The following RECK variants were observed in gnomAD, a reference collection of about 807,000 sequenced individuals.
RECK encodes the protein reversion inducing cysteine rich protein with kazal motifs.
RECK carries 69 observed loss-of-function variants against 115.1 expected under a neutral mutation model. The ratio of observed to expected loss-of-function variants is 0.60; its 90% CI spans 0.49 to 0.73. RECK has a LOEUF of 0.73. Ranked by LOEUF, RECK falls within the 30% of genes least tolerant of loss-of-function variation. The pLI, the probability that RECK is intolerant of heterozygous loss-of-function variation, is 0.00. For missense variants in RECK, 1,047 were observed against 1,203.7 expected (o/e 0.87, Z 1.93); for synonymous variants, 414 against 419.7 (o/e 0.99, Z 0.17).
chr9:36,052,346 G>C, intron 2 of RECK, 23 bp downstream of exon 2: 1 of 1,565,342 alleles, frequency 6.4e-7, no homozygotes, highest in South Asian at 1.1e-5. Flanking sequence ...AATAATTACA[G>C]AGGCAGCCAG....
chr9:36,107,770 C>T (rs1006420454), intron 13 of RECK, among the ~76,000 whole-genome samples: 14 of 152,136 alleles, frequency 9.2e-5, no homozygotes, highest in Non-Finnish European at 1.3e-4. Context: ...GTAATCACCA[C>T]CATCCTCCAG....
At chr9:36,051,663 C>T (rs993743161) in intron 1 of RECK, among the ~76,000 whole-genome samples, 2 of 152,144 alleles carry the variant, frequency 1.3e-5, no homozygotes, top group African/African-American at 4.8e-5. Context: ...TCAGATGTTA[C>T]TCTTCTTTAG....
intron 16 of RECK, among the ~76,000 whole-genome samples, chr9:36,116,428 A>T (rs143785836): frequency 3.5e-4 from 54 of 152,262 alleles, no homozygotes; most frequent in African/African-American, 1.2e-3. Context: ...TGCCCAGCTG[A>T]GGCCTTTTCT....
chr9:36,036,997 A>G lies in RECK; in HGVS notation c.-2A>G. 1.4e-6 allele frequency: 2 copies of G among 1,426,332 alleles called. No individual in the cohort carries two copies. Among genetic ancestry groups the G allele is most frequent in the African/African-American group, 1.5e-5 (1 of 67,092 alleles). The allele number at this position is 1,426,332 out of a possible 1,614,324, so 88.4% of individuals were successfully genotyped here. On this transcript the variant is annotated 5_prime_UTR_variant, in exon 1 of 21. Coordinates refer to ENST00000377966, the MANE Select transcript of RECK (RefSeq NM_021111.3). The stretch of plus-strand genomic sequence containing the variant: ...GCGGCTCTGGAGCCGCCCGGCCCGG[A>G]CATGGCGACCGTCCGGGCCTCTCTG...
intron 12 of RECK, among the ~76,000 whole-genome samples, chr9:36,104,290 GTGTATATA>G (rs1823679067): frequency 3.0e-4 from 5 of 16,810 alleles, no homozygotes; most frequent in African/African-American, 1.5e-3. Flanking sequence ...GTGTGTGTGT[GTGTATATA>G]TATATATATA....
At chr9:36,095,856 A>T (rs566142659) in intron 10 of RECK, among the ~76,000 whole-genome samples, 20 of 151,210 alleles carry the variant, frequency 1.3e-4, no homozygotes, top group Non-Finnish European at 2.2e-4. Flanking sequence ...GGATCACCTG[A>T]GGTCAGGAGT....
intron 10 of RECK, among the ~76,000 whole-genome samples, chr9:36,096,167 G>A (rs1018273915): frequency 6.6e-6 from 1 of 151,950 alleles, no homozygotes; most frequent in African/African-American, 2.4e-5. Flanking sequence ...AGCCTGGGAG[G>A]TGGAGGTTGC....
intron 13 of RECK, among the ~76,000 whole-genome samples, chr9:36,105,492 G>C (rs569123929): frequency 6.6e-6 from 1 of 152,184 alleles, no homozygotes; most frequent in South Asian, 2.1e-4. Flanking sequence ...ATGTAAGCAG[G>C]AAAAGACAGA....
intron 10 of RECK, among the ~76,000 whole-genome samples, chr9:36,097,808 A>G (rs1268254197): frequency 1.3e-5 from 2 of 152,234 alleles, no homozygotes; most frequent in African/African-American, 2.4e-5. Flanking sequence ...GAATGGATAA[A>G]GAATATGTGG....
intron 9 of RECK, among the ~76,000 whole-genome samples, chr9:36,089,469 C>T (rs1823080513): frequency 6.6e-6 from 1 of 152,092 alleles, no homozygotes; most frequent in Non-Finnish European, 1.5e-5. Flanking sequence ...TGTTAAATAA[C>T]CTGTCCAAGG....
chr9:36,101,437 T>C (rs1823563336), intron 11 of RECK, among the ~76,000 whole-genome samples: 1 of 152,224 alleles, frequency 6.6e-6, no homozygotes, highest in Non-Finnish European at 1.5e-5. Flanking sequence ...GCTGTTGGTA[T>C]GTGGCTCAGT....
At chr9:36,044,007 T>G (rs1336374753) in intron 1 of RECK, among the ~76,000 whole-genome samples, 3 of 152,160 alleles carry the variant, frequency 2.0e-5, no homozygotes, top group Non-Finnish European at 4.4e-5. Flanking sequence ...CTGTGAAGAA[T>G]GATGATGGTA....
chr9:36,086,279 A>T (rs1379012894), intron 8 of RECK: 1 of 152,352 alleles, frequency 6.6e-6, no homozygotes. Flanking sequence ...CTGGAATGTA[A>T]TGAAATATTG....
At chr9:36,111,530 A>T (rs1824042874) in intron 15 of RECK, among the ~76,000 whole-genome samples, 1 of 152,154 alleles carries the variant, frequency 6.6e-6, no homozygotes, top group African/African-American at 2.4e-5. Flanking sequence ...AGTAGCTAGG[A>T]ACGACAGGCA....
chr9:36,105,764 AATAT>A (rs1178037128), intron 13 of RECK, among the ~76,000 whole-genome samples: 1 of 152,198 alleles, frequency 6.6e-6, no homozygotes, highest in Non-Finnish European at 1.5e-5. Flanking sequence ...GTTATGTTGA[AATAT>A]ATATAACTTT....
At chr9:36,047,426 T>C (rs1003644652) in intron 1 of RECK, among the ~76,000 whole-genome samples, 2 of 152,110 alleles carry the variant, frequency 1.3e-5, no homozygotes, top group Admixed American at 6.5e-5. Flanking sequence ...CTAGACAATA[T>C]GGCAAAACCC....
intron 10 of RECK, among the ~76,000 whole-genome samples, chr9:36,098,095 A>G (rs1250936577): frequency 6.6e-6 from 1 of 152,200 alleles, no homozygotes; most frequent in Non-Finnish European, 1.5e-5. Flanking sequence ...AATGTTGGTC[A>G]AAGGACACAA....
At chr9:36,037,124 C>A in intron 1 of RECK, 26 bp downstream of exon 1, 1 of 1,253,596 alleles carries the variant, frequency 8.0e-7, no homozygotes, top group South Asian at 2.8e-5. Context: ...AGCAACGGTT[C>A]GAAGCTGTCG....
chr9:36,092,784 T>G (rs1439664994), intron 10 of RECK, among the ~76,000 whole-genome samples: 1 of 149,778 alleles, frequency 6.7e-6, no homozygotes, highest in Non-Finnish European at 1.5e-5. Context: ...TCATGGGGAG[T>G]AGAGTTCAAG....
Sources: allele counts gnomAD v4.1 joint callset (sites outside exome capture counted in the v4.1 genomes callset), GRCh38; gene constraint gnomAD v4.1.1; transcripts MANE v1.5; gene names NCBI Gene and HGNC (gene_info 2026-07-23, HGNC 2026-07-21).